Variants in LIN54 observed in about 807,000 individuals in gnomAD.
LIN54 encodes the protein lin-54 DREAM MuvB core complex component, also known as protein lin-54 homolog.
In LIN54, 9 loss-of-function variants were observed where a neutral mutation model predicts 78.7. The ratio of observed to expected loss-of-function variants is 0.11; its 90% CI spans 0.07 to 0.20. LIN54 has a LOEUF of 0.20. LIN54 is among the 10% of genes least tolerant of loss of function. LIN54 has a pLI of 1.00. For synonymous variants in LIN54, 269 were observed against 318.4 expected (o/e 0.84, Z 1.65); for missense variants, 573 against 889.9 (o/e 0.64, Z 4.53).
At chr4:82,966,525 TGA>T (rs1057400907) in intron 4 of LIN54, among the ~76,000 whole-genome samples, 2 of 148,890 alleles carry the variant, frequency 1.3e-5, no homozygotes, top group Non-Finnish European at 3.0e-5. Context: ...TACATCTCAG[TGA>T]GGGGGGAAAA....
intron 4 of LIN54, among the ~76,000 whole-genome samples, chr4:82,968,962 G>A (rs1287311177): frequency 4.6e-5 from 7 of 152,136 alleles, no homozygotes; most frequent in South Asian, 2.1e-4. Flanking sequence ...AGAACTAGGC[G>A]TCGGTATTTA....
rs1257076918 is a variant in LIN54 at position 82,939,755 on chromosome 4, T to C, written c.1243-19A>G. The C allele has an allele frequency of 1.2e-6, 2 of 1,613,476 alleles. No individual in the cohort carries two copies. Among genetic ancestry groups the C allele is most frequent in the Non-Finnish European group, 1.7e-6 (2 of 1,179,330 alleles). ...GAACAACCTAAAAAGAAGGGACATA[T>C]ATCAATGACCACAAAATAAATTTTA... On this transcript the variant is annotated intron_variant, in intron 6 of 12. Transcript: ENST00000340417.
intron 1 of LIN54, among the ~76,000 whole-genome samples, chr4:83,000,856 G>A (rs1728706322): frequency 9.0e-6 from 1 of 111,500 alleles, no homozygotes; most frequent in Non-Finnish European, 1.7e-5. Flanking sequence ...TAGAGTCCCA[G>A]GGTGAAGTGC....
At chr4:82,964,899 G>A (rs1725081049) in intron 4 of LIN54, among the ~76,000 whole-genome samples, 1 of 152,074 alleles carries the variant, frequency 6.6e-6, no homozygotes, top group Non-Finnish European at 1.5e-5. Context: ...TGGGGAAGCT[G>A]AGGCAGGAGA....
At position 82,939,619 on chromosome 4, in the gene LIN54, G is replaced by A. The variant is rs1722670239; in HGVS notation, c.1360C>T (p.Pro454Ser). Reference protein sequence around the residue: ...PQIQPNLTNLPPGTVLAPAPG... With the variant: ...PQIQPNLTNLSPGTVLAPAPG... ...GCTGGTGCCAGGACAGTGCCTGGTGGCAGGTTAGTGAGGTTGGGCTGGATC... is the reference window on the plus strand; with the variant it reads ...GCTGGTGCCAGGACAGTGCCTGGTGACAGGTTAGTGAGGTTGGGCTGGATC... The change falls in exon 7 of 13, where the codon CCA (proline) becomes TCA (serine). Residue 454 changes from proline to serine, a missense_variant. Physicochemically the swap from Pro to Ser is moderately conservative, Grantham distance 74. Transcript: ENST00000340417. 6.2e-7 allele frequency: 1 copy of A among 1,614,210 alleles called. No individual in the cohort carries two copies. Among genetic ancestry groups the A allele is most frequent in the Non-Finnish European group, 8.5e-7 (1 of 1,180,034 alleles).
At chr4:83,010,430 CAA>C in intron 1 of LIN54, 52 bp downstream of exon 1, 2 of 577,002 alleles carry the variant, frequency 3.5e-6, no homozygotes, top group Non-Finnish European at 4.5e-6. Flanking sequence ...CCCATCCCCC[CAA>C]ATAAAGAGAT....
rs114391322 is a variant in LIN54, at chr4:83,007,279, G to A, written c.-33+3205C>T. Among the ~76,000 whole-genome samples, 1,134 of 152,076 alleles carry A rather than the reference G, an allele frequency of 7.5e-3. 14 individuals are homozygous for A. The highest frequency in any genetic ancestry group is 0.026 in the African/African-American group (1,070 of 41,498). On this transcript the variant is annotated intron_variant, in intron 1 of 12. Coordinates refer to ENST00000340417, the MANE Select transcript of LIN54 (RefSeq NM_194282.4). ...GTACCAAGGGATAGGCATTGTACCC[G>A]AGAATGAGAATAAACCAGCCTATAA...
intron 5 of LIN54, among the ~76,000 whole-genome samples, chr4:82,943,654 G>C (rs1723115803): frequency 1.3e-5 from 2 of 152,108 alleles, no homozygotes; most frequent in African/African-American, 4.8e-5. Flanking sequence ...ATGTGGCTGG[G>C]TGGGAAGAGG....
chr4:82,962,749 A>C (rs1182563377), intron 4 of LIN54, among the ~76,000 whole-genome samples: 1 of 151,952 alleles, frequency 6.6e-6, no homozygotes, highest in Non-Finnish European at 1.5e-5. Context: ...GAAAATAATC[A>C]ATAAATTTAA....
intron 3 of LIN54, among the ~76,000 whole-genome samples, chr4:82,976,482 G>A (rs1726172082): frequency 6.6e-6 from 1 of 152,134 alleles, no homozygotes; most frequent in African/African-American, 2.4e-5. Context: ...GGCCAAGACA[G>A]GTGGATCACA....
chr4:83,012,013 C>G (rs990893739), upstream of LIN54: 3 of 985,050 alleles, frequency 3.0e-6, no homozygotes, highest in African/African-American at 5.2e-5. Context: ...CATTTCATTT[C>G]CCTACCTTGT....
At position 83,010,490 on chromosome 4, in the gene LIN54, C is replaced by G; in HGVS notation, c.-39G>C. 1.7e-6 allele frequency: 2 copies of G among 1,156,736 alleles called. No individual in the cohort carries two copies. The highest frequency in any genetic ancestry group is 2.1e-6 in the Non-Finnish European group (2 of 941,558). 71.7% of individuals were successfully genotyped at this position (1,156,736 alleles called of 1,614,324 possible). A position where few individuals can be genotyped will look rare whatever the true frequency, so the allele number is the denominator to read the frequency against. On this transcript the variant is annotated 5_prime_UTR_variant, in exon 1 of 13. Coordinates refer to ENST00000340417, the MANE Select transcript of LIN54 (RefSeq NM_194282.4). ...GTACCCCATCCTCCTCTACCTCCAG[C>G]GGCTGCCGCTTTCTCCTCCCTCGGG...
At chr4:82,936,478 C>A in intron 9 of LIN54, 97 bp from the exon 10 acceptor site, 1 of 603,246 alleles carries the variant, frequency 1.7e-6, no homozygotes, top group East Asian at 2.8e-5. Flanking sequence ...ACACATACTA[C>A]ATATGTGGTA....
chr4:82,930,886 G>T, intron 12 of LIN54, 57 bp downstream of exon 12: 2 of 1,536,932 alleles, frequency 1.3e-6, no homozygotes, highest in Non-Finnish European at 1.8e-6. Flanking sequence ...CCCCTGAAAA[G>T]AAACTTTACC....
intron 4 of LIN54, among the ~76,000 whole-genome samples, chr4:82,964,343 GCC>G (rs1180029517): frequency 3.9e-5 from 6 of 152,076 alleles, no homozygotes; most frequent in Non-Finnish European, 8.8e-5. Context: ...AAGCCACCAT[GCC>G]CCCCAGCCAC....
chr4:82,968,250 G>A (rs1725377868), intron 4 of LIN54, among the ~76,000 whole-genome samples: 1 of 151,930 alleles, frequency 6.6e-6, no homozygotes, highest in African/African-American at 2.4e-5. Flanking sequence ...CTCCATGTTG[G>A]TCAGGCTGGT....
chr4:82,998,752 A>T (rs1343920293), intron 1 of LIN54, among the ~76,000 whole-genome samples: 3 of 152,068 alleles, frequency 2.0e-5, no homozygotes, highest in Non-Finnish European at 2.9e-5. Flanking sequence ...AATTTGTGGC[A>T]ATTTGAAAAA....
chr4:83,005,990 A>T (rs1035579960), intron 1 of LIN54, among the ~76,000 whole-genome samples: 1 of 152,256 alleles, frequency 6.6e-6, no homozygotes, highest in Non-Finnish European at 1.5e-5. Context: ...AGCAACATGG[A>T]TGCAGCTGGA....
At chr4:82,970,496 T>A (rs1399299021) in intron 3 of LIN54, 27 bp from the exon 4 acceptor site, 22 of 1,587,966 alleles carry the variant, frequency 1.4e-5, no homozygotes, top group Non-Finnish European at 1.8e-5. Context: ...GCACATCAGT[T>A]TGACTTTTTT....
Sources: gnomAD v4.1 joint callset for allele counts (sites outside exome capture counted in the v4.1 genomes callset) on GRCh38, gnomAD v4.1.1 for gene constraint, MANE v1.5 for transcripts, NCBI Gene and HGNC (gene_info 2026-07-23, HGNC 2026-07-21) for gene names.